Variants in SHISA6 observed in about 807,000 individuals in gnomAD.
SHISA6 encodes shisa family member 6.
SHISA6 carries 22 observed loss-of-function variants against 47.9 expected under a neutral mutation model. The observed-to-expected ratio is 0.46, with a 90% CI of 0.33 to 0.66. The LOEUF is 0.66. Among genes scored for constraint, SHISA6 ranks in the 30% least tolerant of loss-of-function variants. The pLI is 0.02. For missense variants in SHISA6, 680 were observed against 764.6 expected, an observed-to-expected ratio of 0.89 and a Z score of 1.30; for synonymous variants, 388 against 337.8, an observed-to-expected ratio of 1.15 and a Z score of -1.63.
intron 3 of SHISA6, among the ~76,000 whole-genome samples, chr17:11,453,617 CTTCTT>C (rs1915459459): frequency 6.6e-6 from 1 of 152,214 alleles, no homozygotes; most frequent in Non-Finnish European, 1.5e-5. Flanking sequence ...CTGCCTCTCA[CTTCTT>C]TTCTCTTTTC....
intron 1 of SHISA6, among the ~76,000 whole-genome samples, chr17:11,242,994 G>T (rs934401171): frequency 1.3e-5 from 2 of 152,044 alleles, no homozygotes; most frequent in African/African-American, 4.8e-5. Context: ...CCCTCATGTT[G>T]ATGGATGGCT....
rs150826525 is a variant in SHISA6 at position 11,356,831 on chromosome 17, G to A, written c.800-22583G>A. Among the ~76,000 whole-genome samples, 266 of 152,224 alleles carry A rather than the reference G, an allele frequency of 1.7e-3. 5 individuals are homozygous for A. Among genetic ancestry groups the A allele is most frequent in the Admixed American group, 0.016 (245 of 15,292 alleles). On this transcript the variant is annotated intron_variant, in intron 2 of 5. Transcript: ENST00000441885. ...AAGCCATGTGAGGATCTACCTGGTAGCCAAAGAAGGGCATTGGCGAGGTCA... is the reference window on the plus strand; with the variant it reads ...AAGCCATGTGAGGATCTACCTGGTAACCAAAGAAGGGCATTGGCGAGGTCA...
At chr17:11,342,769 C>G (rs1421499370) in intron 2 of SHISA6, among the ~76,000 whole-genome samples, 4 of 152,176 alleles carry the variant, frequency 2.6e-5, no homozygotes, top group African/African-American at 9.7e-5. Flanking sequence ...CAGGCAAGGT[C>G]CTCATACTAA....
At chr17:11,525,631 C>CAAAAAAAAAAAAAAAAAAAAAAAAAAAAA (rs548619604) in intron 3 of SHISA6, among the ~76,000 whole-genome samples, 1 of 58,906 alleles carries the variant, frequency 1.7e-5, no homozygotes, top group Non-Finnish European at 3.0e-5. Flanking sequence ...GACTCCGTCT[C>CAAAAAAAAAAAAAAAAAAAAAAAAAAAAA]AAAAAAAAAA....
At chr17:11,544,961 C>CAAAAAAAA (rs374571214) in intron 3 of SHISA6, among the ~76,000 whole-genome samples, 1 of 62,672 alleles carries the variant, frequency 1.6e-5, no homozygotes, top group African/African-American at 5.8e-5. Context: ...ACTCTCTCTC[C>CAAAAAAAA]AAAAAAAAAA....
intron 3 of SHISA6, among the ~76,000 whole-genome samples, chr17:11,527,769 C>T (rs138796549): frequency 6.6e-6 from 1 of 152,216 alleles, no homozygotes; most frequent in African/African-American, 2.4e-5. Context: ...ACCGTACAGC[C>T]TACAAATCCT....
intron 1 of SHISA6, 77 bp from the exon 2 acceptor site, chr17:11,263,289 T>A: frequency 6.9e-7 from 1 of 1,454,604 alleles, no homozygotes; most frequent in South Asian, 1.3e-5. Flanking sequence ...AAAGGGCATA[T>A]GAAAGTAAGC....
chr17:11,300,981 G>T (rs552751353), intron 2 of SHISA6, among the ~76,000 whole-genome samples: 1 of 150,558 alleles, frequency 6.6e-6, no homozygotes, highest in Admixed American at 6.7e-5. Flanking sequence ...AAAACAAACA[G>T]CCTTTAATAC....
chr17:11,356,458 C>T (rs561855894), intron 2 of SHISA6, among the ~76,000 whole-genome samples: 1 of 152,324 alleles, frequency 6.6e-6, no homozygotes, highest in South Asian at 2.1e-4. Context: ...TCCCTCTACG[C>T]ACTTTGGCTG....
At position 11,385,686 on chromosome 17, in the gene SHISA6, G is replaced by A. The variant is rs566271994; in HGVS notation, c.895+6177G>A. On this transcript the variant is annotated intron_variant, in intron 3 of 5. Coordinates refer to ENST00000441885, the MANE Select transcript of SHISA6 (RefSeq NM_207386.4). ...GAGGATATTAGCTAGGGAGTGAGTC[G>A]TGCTCTTCAGGTGATGAGGCCTGAG... is the stretch of plus-strand genomic sequence containing the variant. Among the ~76,000 whole-genome samples the A allele has an allele frequency of 1.5e-4, 23 of 152,172 alleles. 1 individual carries two copies. The highest frequency in any genetic ancestry group is 1.2e-3 in the South Asian group (6 of 4,814).
At chr17:11,313,090 G>A (rs1358599843) in intron 2 of SHISA6, among the ~76,000 whole-genome samples, 1 of 152,148 alleles carries the variant, frequency 6.6e-6, no homozygotes, top group Admixed American at 6.5e-5. Context: ...ACTTGTGTAA[G>A]CCAGTTCAAA....
intron 3 of SHISA6, among the ~76,000 whole-genome samples, chr17:11,476,585 G>T (rs562330069): frequency 2.0e-4 from 30 of 151,782 alleles, no homozygotes; most frequent in Admixed American, 2.0e-4. Flanking sequence ...GGAATTTTTT[G>T]TCATCTTTCT....
At chr17:11,295,581 G>T (rs1255183912) in intron 2 of SHISA6, among the ~76,000 whole-genome samples, 3 of 152,314 alleles carry the variant, frequency 2.0e-5, no homozygotes, top group South Asian at 4.1e-4. Context: ...GAGTCATAAA[G>T]GATTTTGTAA....
intron 2 of SHISA6, among the ~76,000 whole-genome samples, chr17:11,299,831 A>G (rs1024815844): frequency 6.6e-6 from 1 of 152,122 alleles, no homozygotes; most frequent in African/African-American, 2.4e-5. Flanking sequence ...CCCACTTGCA[A>G]GGTTCCTTTT....
chr17:11,241,816 A>G lies in SHISA6; in HGVS notation c.394A>G (p.Lys132Glu). 1 of 1,550,872 alleles carries G rather than the reference A, an allele frequency of 6.4e-7. No homozygotes were observed. The highest frequency in any genetic ancestry group is 8.7e-7 in the Non-Finnish European group (1 of 1,146,980). ...CTGCTACTACCGCTTCTGCTGCAAG[A>G]AGCGCCACGAGAAGCTGGACCAGCG... ...GTCYYRFCCKKRHEKLDQRQC... is the reference protein window; with the variant it reads ...GTCYYRFCCKERHEKLDQRQC... The change falls in exon 1 of 6, where the codon AAG becomes GAG. Residue 132 changes from lysine to glutamate, a missense_variant. Physicochemically the swap from Lys to Glu is moderately conservative, Grantham distance 56. Around this residue, in one of 2 missense-constraint regions of SHISA6, gnomAD observed 559 missense variants for 674.1 expected, o/e 0.83. Transcript: ENST00000441885. The surrounding 1 kb of genome is among the most constrained non-coding windows in gnomAD (Gnocchi z 5.5).
In SHISA6 at chr17:11,538,204, C is replaced by T. The variant is rs183890551; in HGVS notation, c.896-13692C>T. ...TCAGCCTCCAAAGTAGCTGGGACTA[C>T]AGGCACCCACCACCATGCCCAGCTA... On this transcript the variant is annotated intron_variant, in intron 3 of 5. Transcript: ENST00000441885. Among the ~76,000 whole-genome samples, 26 of 152,256 alleles carry T rather than the reference C, an allele frequency of 1.7e-4. No homozygotes were observed. The East Asian group carries it at 5.0e-3, about 29-fold the overall frequency.
At chr17:11,301,456 A>G (rs896191180) in intron 2 of SHISA6, among the ~76,000 whole-genome samples, 1 of 152,174 alleles carries the variant, frequency 6.6e-6, no homozygotes, top group African/African-American at 2.4e-5. Flanking sequence ...AAATGATTGC[A>G]GCACTTTGGG....
At chr17:11,313,123 C>T (rs936462345) in intron 2 of SHISA6, among the ~76,000 whole-genome samples, 1 of 152,168 alleles carries the variant, frequency 6.6e-6, no homozygotes, top group Non-Finnish European at 1.5e-5. Context: ...GATCCTAGCA[C>T]ACCACTTCAA....
chr17:11,395,513 CT>C (rs886287303), intron 3 of SHISA6, among the ~76,000 whole-genome samples: 4,926 of 117,348 alleles, frequency 0.042, 105 homozygotes, highest in African/African-American at 0.14. Context: ...GGCAGTTTTA[CT>C]TTTTTTTTTT....
Sources: gnomAD v4.1 joint callset for allele counts (sites outside exome capture counted in the v4.1 genomes callset) on GRCh38, gnomAD v4.1.1 for gene constraint, gnomAD v4.1.1 regional missense constraint, Gnocchi (gnomAD v3.1) non-coding constraint, MANE v1.5 for transcripts, NCBI Gene and HGNC (gene_info 2026-07-23, HGNC 2026-07-21) for gene names.